EXOC6B: variants seen among roughly 807,000 people sequenced by gnomAD.
The protein encoded by EXOC6B is exocyst complex component 6B.
Under a neutral mutation model 113.5 loss-of-function variants are expected in EXOC6B, and 54 were observed. The observed-to-expected ratio is 0.48, with a 90% CI of 0.38 to 0.60. The LOEUF (loss-of-function observed/expected upper bound fraction) is 0.60, where lower values mean the gene tolerates loss of function less well. Among genes scored for constraint, EXOC6B ranks in the 20% least tolerant of loss-of-function variants. EXOC6B has a pLI of 0.00. For missense variants in EXOC6B, 797 were observed against 977.5 expected (o/e 0.82, Z 2.46); for synonymous variants, 357 against 339.0 (o/e 1.05, Z -0.58).
intron 6 of EXOC6B, among the ~76,000 whole-genome samples, chr2:72,631,282 T>C (rs1420571901): frequency 6.6e-6 from 1 of 151,442 alleles, no homozygotes; most frequent in Non-Finnish European, 1.5e-5. Flanking sequence ...TAATGTAACA[T>C]TTAAATGAGT....
At chr2:72,274,363 C>G (rs1005201184) in intron 20 of EXOC6B, among the ~76,000 whole-genome samples, 13 of 152,292 alleles carry the variant, frequency 8.5e-5, no homozygotes, top group African/African-American at 2.9e-4. Context: ...TAGTCCATTT[C>G]TAAGCTTGTG....
chr2:72,781,108 A>G (rs1421664420), intron 1 of EXOC6B, among the ~76,000 whole-genome samples: 1 of 152,176 alleles, frequency 6.6e-6, no homozygotes. Flanking sequence ...AAAGATACCA[A>G]GTCCTGAATC....
At chr2:72,488,589 G>T (rs1459529701) in intron 16 of EXOC6B, among the ~76,000 whole-genome samples, 1 of 152,030 alleles carries the variant, frequency 6.6e-6, no homozygotes, top group African/African-American at 2.4e-5. Flanking sequence ...TTAGTTCATG[G>T]TATATACAGC....
intron 6 of EXOC6B, among the ~76,000 whole-genome samples, chr2:72,599,384 A>C (rs1049428852): frequency 2.6e-5 from 4 of 152,162 alleles, no homozygotes; most frequent in African/African-American, 9.6e-5. Context: ...CAAACTGCTA[A>C]TAGAAGGAAA....
intron 6 of EXOC6B, among the ~76,000 whole-genome samples, chr2:72,580,778 G>A (rs1218029544): frequency 6.6e-6 from 1 of 152,136 alleles, no homozygotes; most frequent in Non-Finnish European, 1.5e-5. Flanking sequence ...AACCCCACAA[G>A]AAGTACTCAG....
chr2:72,386,647 G>A (rs1336701782), intron 18 of EXOC6B, among the ~76,000 whole-genome samples: 1 of 152,184 alleles, frequency 6.6e-6, no homozygotes, highest in Non-Finnish European at 1.5e-5. Flanking sequence ...ATAAGCCTTG[G>A]CAGCTTTCAT....
intron 8 of EXOC6B, among the ~76,000 whole-genome samples, chr2:72,521,492 C>T (rs550516900): frequency 8.5e-5 from 13 of 152,260 alleles, no homozygotes; most frequent in Admixed American, 2.0e-4. Flanking sequence ...TTACAATTTG[C>T]TCTGTTTATA....
At chr2:72,683,658 G>C (rs1573617326) in intron 6 of EXOC6B, among the ~76,000 whole-genome samples, 1 of 152,188 alleles carries the variant, frequency 6.6e-6, no homozygotes, top group Middle Eastern at 3.4e-3. Context: ...AAAAATTTAA[G>C]TAATGAATAG....
At position 72,465,259 on chromosome 2, in the gene EXOC6B, A is replaced by G. The variant is rs1319472218; in HGVS notation, c.1881T>C (p.Tyr627=). 1 of 1,610,540 alleles carries G rather than the reference A, an allele frequency of 6.2e-7. No individual in the cohort carries two copies. Among genetic ancestry groups the G allele is most frequent in the Non-Finnish European group, 8.5e-7 (1 of 1,178,348 alleles). The change falls in exon 18 of 22, where the codon TAT becomes TAC. Residue 627 remains tyrosine, a synonymous_variant. Transcript: ENST00000272427. ...KIDQFLQLAD[Y]DWMTGDLGNK... Reference sequence around the variant, plus strand: ...TGCCCAAATCTCCGGTCATCCAGTCATAGTCTGCCAGCTGTAGGAACTGGT... The same window carrying G: ...TGCCCAAATCTCCGGTCATCCAGTCGTAGTCTGCCAGCTGTAGGAACTGGT...
At chr2:72,304,410 C>T (rs2104765914) in intron 20 of EXOC6B, among the ~76,000 whole-genome samples, 1 of 152,288 alleles carries the variant, frequency 6.6e-6, no homozygotes, top group Non-Finnish European at 1.5e-5. Flanking sequence ...AAACATGCCA[C>T]ACCAGTTTAT....
At chr2:72,240,582 A>T (rs1050605959) in intron 20 of EXOC6B, among the ~76,000 whole-genome samples, 2 of 152,184 alleles carry the variant, frequency 1.3e-5, no homozygotes, top group Non-Finnish European at 2.9e-5. Context: ...AATTAAAAGG[A>T]TGAGGTTGTC....
rs537036134 is a variant in EXOC6B, at chr2:72,279,186, T to C, written c.2196+55761A>G. Among the ~76,000 whole-genome samples the C allele has an allele frequency of 1.2e-3, 190 of 152,318 alleles. 2 individuals carry two copies. The highest frequency in any genetic ancestry group is 2.6e-3 in the African/African-American group (109 of 41,572). On this transcript the variant is annotated intron_variant, in intron 20 of 21. Transcript: ENST00000272427. ...CTTACTCTGTTTCTCTCTTCCTCTT[T>C]AGTATTTGAATCAGGGCTAACCTGG...
At chr2:72,288,359 A>T (rs1685570561) in intron 20 of EXOC6B, among the ~76,000 whole-genome samples, 2 of 152,154 alleles carry the variant, frequency 1.3e-5, no homozygotes, top group Admixed American at 1.3e-4. Context: ...ACACTAAAAG[A>T]TATATACAAG....
chr2:72,714,266 A>G lies in EXOC6B; in HGVS notation c.669+3837T>C, dbSNP rs561887014. Among the ~76,000 whole-genome samples, 20 of 152,354 alleles carry G rather than the reference A, an allele frequency of 1.3e-4. No homozygotes were observed. The South Asian group carries it at 3.3e-3, about 25-fold the overall frequency. ...AATCTAAAATAAAAGACATGGGTTT[A>G]GTGGTCAGGCAGTGGGCAGTAAGAA... is the stretch of plus-strand genomic sequence containing the variant. On this transcript the variant is annotated intron_variant, in intron 6 of 21. Coordinates refer to ENST00000272427, the MANE Select transcript of EXOC6B (RefSeq NM_015189.3).
intron 20 of EXOC6B, among the ~76,000 whole-genome samples, chr2:72,212,418 T>C (rs1188839881): frequency 6.6e-6 from 1 of 152,100 alleles, no homozygotes; most frequent in East Asian, 1.9e-4. Flanking sequence ...TAGAAAATAA[T>C]AGCCCTATAA....
intron 1 of EXOC6B, among the ~76,000 whole-genome samples, chr2:72,785,565 C>G (rs555036265): frequency 6.6e-6 from 1 of 152,386 alleles, no homozygotes; most frequent in Non-Finnish European, 1.5e-5. Flanking sequence ...CTCAACACCA[C>G]ATGGAAGCTG....
intron 18 of EXOC6B, among the ~76,000 whole-genome samples, chr2:72,419,216 A>T (rs1271916782): frequency 6.6e-6 from 1 of 152,236 alleles, no homozygotes; most frequent in East Asian, 1.9e-4. Context: ...TAAATTATGT[A>T]GAAAACAAAA....
At chr2:72,393,678 C>G (rs1009192478) in intron 18 of EXOC6B, among the ~76,000 whole-genome samples, 5 of 152,042 alleles carry the variant, frequency 3.3e-5, no homozygotes, top group Non-Finnish European at 7.4e-5. Flanking sequence ...TCTTTCTGGT[C>G]AAGAATCTTC....
At chr2:72,422,691 G>A (rs1383198419) in intron 18 of EXOC6B, among the ~76,000 whole-genome samples, 3 of 151,778 alleles carry the variant, frequency 2.0e-5, no homozygotes, top group African/African-American at 7.3e-5. Context: ...TCTAGCTCAG[G>A]GATTGTAAAC....
Sources: gnomAD v4.1 joint callset for allele counts (sites outside exome capture counted in the v4.1 genomes callset) on GRCh38, gnomAD v4.1.1 for gene constraint, MANE v1.5 for transcripts, NCBI Gene and HGNC (gene_info 2026-07-23, HGNC 2026-07-21) for gene names.